Variants in TRPC1 observed in about 807,000 individuals in gnomAD.
TRPC1 encodes transient receptor potential cation channel subfamily C member 1, also known as short transient receptor potential channel 1.
In TRPC1, 42 loss-of-function variants were observed where a neutral mutation model predicts 88.2. The ratio of observed to expected loss-of-function variants is 0.48; its 90% CI spans 0.37 to 0.62. The LOEUF (loss-of-function observed/expected upper bound fraction) is 0.62, where lower values mean the gene tolerates loss of function less well. Ranked by LOEUF, TRPC1 falls within the 20% of genes least tolerant of loss-of-function variation. The pLI, the probability that TRPC1 is intolerant of heterozygous loss-of-function variation, is 0.00. For missense variants in TRPC1, 699 were observed against 957.3 expected (o/e 0.73, Z 3.56); for synonymous variants, 288 against 331.8 (o/e 0.87, Z 1.43).
At chr3:142,759,144 A>G (rs1322755070) in intron 4 of TRPC1, among the ~76,000 whole-genome samples, 1 of 152,178 alleles carries the variant, frequency 6.6e-6, no homozygotes, top group Non-Finnish European at 1.5e-5. Context: ...ATAAGTGTGC[A>G]TGTGTCTTTA....
At chr3:142,732,542 A>G (rs1035713285) in intron 1 of TRPC1, among the ~76,000 whole-genome samples, 4 of 152,170 alleles carry the variant, frequency 2.6e-5, no homozygotes, top group Admixed American at 1.3e-4. Context: ...AGGCTATTGC[A>G]GAGTCCAGGA....
Position 142,806,102 on chromosome 3 carries a change from T to C in TRPC1, c.2249T>C (p.Met750Thr). 3.1e-6 allele frequency: 5 copies of C among 1,613,978 alleles called. No homozygotes were observed. In the South Asian group the frequency reaches 5.5e-5, roughly 18 times the overall value. The change falls in exon 13 of 13, where the codon ATG becomes ACG. Residue 750 changes from methionine (M) to threonine (T), a missense_variant. Physicochemically the swap from Met to Thr is moderately conservative, Grantham distance 81. Transcript: ENST00000476941. ...HRYLTSMRQK[M>T]QSTDQATVEN... ...TACTTGACTTCCATGAGACAGAAGA[T>C]GCAAAGTACAGATCAGGCAACTGTG...
rs554227053 is a variant in TRPC1 at position 142,758,881 on chromosome 3, T to C, written c.632+10421T>C. ...TGATGTTCCCCACCTTGTGTCCAAG[T>C]GTTCTCATTGTTCAATTCCCACCAA... On this transcript the variant is annotated intron_variant, in intron 4 of 12. Coordinates refer to ENST00000476941, the MANE Select transcript of TRPC1 (RefSeq NM_001251845.2). Among the ~76,000 whole-genome samples, 48 of 137,310 alleles carry C rather than the reference T, an allele frequency of 3.5e-4. 1 individual carries two copies. Among genetic ancestry groups the C allele is most frequent in the African/African-American group, 1.0e-3 (38 of 37,108 alleles). 90.1% of individuals were successfully genotyped at this position (137,310 alleles called of 152,430 possible).
intron 1 of TRPC1, among the ~76,000 whole-genome samples, chr3:142,733,979 T>C (rs922114518): frequency 1.2e-4 from 19 of 152,110 alleles, no homozygotes; most frequent in Non-Finnish European, 2.6e-4. Context: ...CTGTACAAAG[T>C]GAGGAGTTGG....
At chr3:142,763,271 T>C (rs1194597743) in intron 4 of TRPC1, among the ~76,000 whole-genome samples, 1 of 152,056 alleles carries the variant, frequency 6.6e-6, no homozygotes, top group African/African-American at 2.4e-5. Context: ...CATGTTAAAG[T>C]CCCCTACTAT....
In TRPC1 at chr3:142,806,425, T is replaced by TGTTA. The variant is rs1294922241; in HGVS notation, c.*193_*196dup. 1 of 447,370 alleles carries TGTTA rather than the reference T, an allele frequency of 2.2e-6. No homozygotes were observed. The highest frequency in any genetic ancestry group is 3.8e-6 in the Non-Finnish European group (1 of 263,378). 27.7% of individuals were successfully genotyped at this position (447,370 alleles called of 1,614,324 possible). ...TATAGAATTAGTTTTTTAAACCTTC[T>TGTTA]GTTAGTGGCTTTTTGCAGAAGCAAA... On this transcript the variant is annotated 3_prime_UTR_variant, in exon 13 of 13. Transcript: ENST00000476941.
intron 1 of TRPC1, among the ~76,000 whole-genome samples, chr3:142,726,681 G>T (rs944693154): frequency 1.3e-5 from 2 of 152,060 alleles, no homozygotes; most frequent in Admixed American, 6.5e-5. Context: ...TGAGTTATAG[G>T]AATATTCTTT....
At chr3:142,798,056 G>A (rs1159011372) in intron 9 of TRPC1, among the ~76,000 whole-genome samples, 1 of 152,050 alleles carries the variant, frequency 6.6e-6, no homozygotes, top group Admixed American at 6.6e-5. Flanking sequence ...TCAAACTGGT[G>A]GGGCTGCAGA....
In TRPC1 at chr3:142,806,073, T is replaced by C. The variant is rs1936784821; in HGVS notation, c.2220T>C (p.His740=). 6.2e-7 allele frequency: 1 copy of C among 1,613,984 alleles called. No homozygotes were observed. The highest frequency in any genetic ancestry group is 8.5e-7 in the Non-Finnish European group (1 of 1,179,912). ...NYQKVMCCLV[H]RYLTSMRQKM... ...AAAAAGTGATGTGCTGCCTAGTGCA[T>C]CGTTACTTGACTTCCATGAGACAGA... The change falls in exon 13 of 13, where the codon CAT becomes CAC. Residue 740 remains histidine (H), a synonymous_variant. Transcript: ENST00000476941.
intron 7 of TRPC1, among the ~76,000 whole-genome samples, chr3:142,790,593 GAGAAA>G (rs573860967): frequency 2.3e-3 from 353 of 152,222 alleles, no homozygotes; most frequent in Non-Finnish European, 4.0e-3. Context: ...AGTATAGGTA[GAGAAA>G]AGAAAAGGAT....
chr3:142,736,100 C>T (rs1453004628), intron 1 of TRPC1, among the ~76,000 whole-genome samples: 1 of 152,036 alleles, frequency 6.6e-6, no homozygotes, highest in Non-Finnish European at 1.5e-5. Flanking sequence ...AGTTTCTCCT[C>T]TTATGATCAT....
chr3:142,795,653 ACTTC>A (rs2108149634), intron 9 of TRPC1, among the ~76,000 whole-genome samples: 1 of 152,110 alleles, frequency 6.6e-6, no homozygotes, highest in African/African-American at 2.4e-5. Flanking sequence ...TAAAATGTAG[ACTTC>A]CAGACACACA....
chr3:142,766,841 A>G (rs1005432297), intron 4 of TRPC1, among the ~76,000 whole-genome samples: 7 of 152,222 alleles, frequency 4.6e-5, no homozygotes, highest in Non-Finnish European at 7.3e-5. Context: ...TCTCCTTTAT[A>G]TATATCTATT....
chr3:142,791,360 T>G lies in TRPC1; in HGVS notation c.1437+202T>G, dbSNP rs913935604. Among the ~76,000 whole-genome samples the G allele has an allele frequency of 1.3e-4, 20 of 152,182 alleles. 1 individual carries two copies. Among genetic ancestry groups the G allele is most frequent in the Non-Finnish European group, 1.5e-5 (1 of 68,016 alleles). The stretch of plus-strand genomic sequence containing the variant: ...CTTACCTTTACATGATGGTTATTTA[T>G]TATATAACAGGGACCATAGTTCACA... On this transcript the variant is annotated intron_variant, in intron 8 of 12. Coordinates refer to ENST00000476941, the MANE Select transcript of TRPC1 (RefSeq NM_001251845.2).
intron 1 of TRPC1, among the ~76,000 whole-genome samples, chr3:142,732,531 G>A (rs1933963570): frequency 6.6e-6 from 1 of 152,118 alleles, no homozygotes; most frequent in Non-Finnish European, 1.5e-5. Context: ...TGTTAGTTAA[G>A]AGGCTATTGC....
chr3:142,806,110 A>G lies in TRPC1; in HGVS notation c.2257A>G (p.Thr753Ala). Reference protein sequence around the residue: ...LTSMRQKMQSTDQATVENLNE... With the variant: ...LTSMRQKMQSADQATVENLNE... ...TTCCATGAGACAGAAGATGCAAAGT[A>G]CAGATCAGGCAACTGTGGAAAATCT... Residue 753 changes from threonine to alanine, a missense_variant, in exon 13 of 13, where the codon ACA becomes GCA. This residue lies in a region of TRPC1 where 105 missense variants were observed against 141.7 expected (regional missense o/e 0.74). Transcript: ENST00000476941. 6.2e-7 allele frequency: 1 copy of G among 1,613,992 alleles called. No individual in the cohort carries two copies. Among genetic ancestry groups the G allele is most frequent in the Non-Finnish European group, 8.5e-7 (1 of 1,179,920 alleles).
At chr3:142,781,683 G>T (rs1286141371) in intron 6 of TRPC1, among the ~76,000 whole-genome samples, 1 of 151,934 alleles carries the variant, frequency 6.6e-6, no homozygotes, top group Non-Finnish European at 1.5e-5. Flanking sequence ...AGGAAAATAT[G>T]CATTTTAAAT....
At chr3:142,794,059 T>A in intron 9 of TRPC1, 1 of 194,322 alleles carries the variant, frequency 5.1e-6, no homozygotes, top group Non-Finnish European at 9.4e-6. Context: ...TTAACCTTGT[T>A]CAAATCATCA....
intron 4 of TRPC1, among the ~76,000 whole-genome samples, chr3:142,752,410 G>C (rs1237039284): frequency 1.3e-5 from 2 of 152,284 alleles, no homozygotes; most frequent in Non-Finnish European, 2.9e-5. Context: ...AAACATCTCA[G>C]TGGAGTAAAG....
Sources: gnomAD v4.1 joint callset for allele counts (sites outside exome capture counted in the v4.1 genomes callset) on GRCh38, gnomAD v4.1.1 for gene constraint, gnomAD v4.1.1 regional missense constraint, MANE v1.5 for transcripts, NCBI Gene and HGNC (gene_info 2026-07-23, HGNC 2026-07-21) for gene names.